Variants in NSUN2 observed in about 807,000 individuals in gnomAD.
NSUN2 encodes the protein NOP2/Sun RNA methyltransferase 2.
Under a neutral mutation model 92.7 loss-of-function variants are expected in NSUN2, and 63 were observed. The observed-to-expected ratio is 0.68, with a 90% CI of 0.56 to 0.84. NSUN2 has a LOEUF of 0.84. Ranked by LOEUF, NSUN2 falls within the 40% of genes least tolerant of loss-of-function variation. The probability of loss-of-function intolerance (pLI) is 0.00; values close to 1 mark genes in which losing one functional copy is unlikely to be tolerated. For synonymous variants in NSUN2, 356 were observed against 348.3 expected (o/e 1.02, Z -0.25); for missense variants, 989 against 964.9 (o/e 1.02, Z -0.33).
Position 6,619,961 on chromosome 5 carries a change from T to C in NSUN2, c.815+145A>G, listed in dbSNP as rs1737368374. On this transcript the variant is annotated intron_variant, in intron 7 of 18. Coordinates refer to ENST00000264670, the MANE Select transcript of NSUN2 (RefSeq NM_017755.6). ...TCATTAAGACGTATCTACGTGTCCA[T>C]CTTTTGGTTTAGGCTCACGCTATCT... The C allele has an allele frequency of 7.2e-6, 4 of 555,518 alleles. No homozygotes were observed. In the Admixed American group the frequency reaches 1.6e-4, roughly 22 times the overall value. 34.4% of individuals were successfully genotyped at this position (555,518 alleles called of 1,614,324 possible).
chr5:6,616,298 A>G lies in NSUN2; in HGVS notation c.1021+429T>C, dbSNP rs1032393693. ...TGGGTAAACAAAATGCGGTTTATAT[A>G]AACAACAGAATAGTGTTCAGCCTTA... is the stretch of plus-strand genomic sequence containing the variant. On this transcript the variant is annotated intron_variant, in intron 9 of 18. Transcript: ENST00000264670. 4.6e-5 allele frequency among the ~76,000 whole-genome samples: 7 copies of G among 152,342 alleles called. No homozygotes were observed. The East Asian group carries it at 1.3e-3, about 29-fold the overall frequency.
chr5:6,610,062 T>TG, intron 11 of NSUN2, 140 bp from the exon 12 acceptor site: 3 of 540,190 alleles, frequency 5.6e-6, no homozygotes, highest in Non-Finnish European at 9.3e-6. Context: ...TATGTAAACT[T>TG]AAATTTTTTT....
At chr5:6,600,349 C>A (rs1736500282) in intron 18 of NSUN2, 117 bp from the exon 19 acceptor site, 2 of 903,512 alleles carry the variant, frequency 2.2e-6, no homozygotes, top group South Asian at 3.6e-5. Context: ...CCCACAAAAC[C>A]CCCAAAACTA....
At position 6,610,949 on chromosome 5, in the gene NSUN2, G is replaced by A; in HGVS notation, c.1226+6C>T. 6.2e-7 allele frequency: 1 copy of A among 1,613,912 alleles called. No homozygotes were observed. The highest frequency in any genetic ancestry group is 8.5e-7 in the Non-Finnish European group (1 of 1,179,902). ...CTCCCCACACCTGGAGGCCCCACCA[G>A]CTCACCATCGCTCCAGGTGCATGGC... On this transcript the variant is annotated splice_donor_region_variant and intron_variant, in intron 11 of 18. Coordinates refer to ENST00000264670, the MANE Select transcript of NSUN2 (RefSeq NM_017755.6).
intron 3 of NSUN2, among the ~76,000 whole-genome samples, chr5:6,630,429 C>T (rs1737830236): frequency 6.6e-6 from 1 of 152,196 alleles, no homozygotes; most frequent in South Asian, 2.1e-4. Flanking sequence ...CCTCAGCCTC[C>T]CTAGTGTCTG....
At position 6,633,034 on chromosome 5, in the gene NSUN2, T is replaced by G; in HGVS notation, c.-55A>C. 1 of 1,391,878 alleles carries G rather than the reference T, an allele frequency of 7.2e-7. No homozygotes were observed. Among genetic ancestry groups the G allele is most frequent in the East Asian group, 2.9e-5 (1 of 33,924 alleles). 86.2% of individuals were successfully genotyped at this position (1,391,878 alleles called of 1,614,324 possible). A position where few individuals can be genotyped will look rare whatever the true frequency, so the allele number is the denominator to read the frequency against. On this transcript the variant is annotated 5_prime_UTR_variant, in exon 1 of 19. Coordinates refer to ENST00000264670, the MANE Select transcript of NSUN2 (RefSeq NM_017755.6). ...GAAACCGGCCCGCCACGGCCAGAACTCTAGCCCTACACCTCCCGGGACTTC... is the reference window on the plus strand; with the variant it reads ...GAAACCGGCCCGCCACGGCCAGAACGCTAGCCCTACACCTCCCGGGACTTC...
At chr5:6,608,123 G>A (rs940112462) in intron 12 of NSUN2, among the ~76,000 whole-genome samples, 1 of 152,216 alleles carries the variant, frequency 6.6e-6, no homozygotes, top group Non-Finnish European at 1.5e-5. Flanking sequence ...GAGCAGAGAA[G>A]CCGGGAGCAT....
intron 9 of NSUN2, among the ~76,000 whole-genome samples, chr5:6,614,115 A>C (rs1312318627): frequency 5.2e-4 from 28 of 53,766 alleles, no homozygotes; most frequent in Admixed American, 9.7e-4. Context: ...AAAAAAAAAA[A>C]AAAAAAACCC....
intron 3 of NSUN2, 70 bp downstream of exon 3, chr5:6,631,803 G>T: frequency 8.5e-7 from 1 of 1,182,098 alleles, no homozygotes; most frequent in Non-Finnish European, 1.2e-6. Flanking sequence ...GCAGTACCAA[G>T]AAATATAATT....
chr5:6,630,624 T>C (rs900996566), intron 3 of NSUN2, among the ~76,000 whole-genome samples: 1 of 152,220 alleles, frequency 6.6e-6, no homozygotes, highest in African/African-American at 2.4e-5. Context: ...TGTGAATGTA[T>C]ATGCTTATCT....
chr5:6,604,504 C>T (rs1736681222), intron 16 of NSUN2, 101 bp downstream of exon 16: 2 of 1,134,810 alleles, frequency 1.8e-6, no homozygotes, highest in Admixed American at 3.4e-5. Flanking sequence ...CCAGCCAAGC[C>T]CTGAGCCACT....
At chr5:6,605,873 T>C (rs1736749269) in intron 14 of NSUN2, among the ~76,000 whole-genome samples, 1 of 152,054 alleles carries the variant, frequency 6.6e-6, no homozygotes, top group African/African-American at 2.4e-5. Context: ...TTTTGTATTT[T>C]TAGTAAAGAC....
intron 3 of NSUN2, among the ~76,000 whole-genome samples, chr5:6,630,195 C>T (rs1220017657): frequency 1.3e-5 from 2 of 152,348 alleles, no homozygotes; most frequent in African/African-American, 4.8e-5. Context: ...ACCTTTTCCA[C>T]TGATCTCACT....
intron 15 of NSUN2, 96 bp downstream of exon 15, chr5:6,605,177 C>A: frequency 1.3e-6 from 2 of 1,510,652 alleles, no homozygotes; most frequent in Non-Finnish European, 1.8e-6. Context: ...GTGGGGAGGG[C>A]AGATGTCACG....
rs1335172774 is a variant in NSUN2, at chr5:6,620,090, C to T, written c.815+16G>A. 3.9e-6 allele frequency: 6 copies of T among 1,532,374 alleles called. No individual in the cohort carries two copies. In the Middle Eastern group the frequency reaches 5.3e-4, roughly 134 times the overall value. The allele number at this position is 1,532,374 out of a possible 1,614,324, so 94.9% of individuals were successfully genotyped here. A position where few individuals can be genotyped will look rare whatever the true frequency, so the allele number is the denominator to read the frequency against. ...TCTTTAGTGGATTTGGGCTTTTTGG[C>T]CAATAAGATAAATACCTGCAAGGGA... is the stretch of plus-strand genomic sequence containing the variant. On this transcript the variant is annotated intron_variant, in intron 7 of 18. Transcript: ENST00000264670.
In NSUN2 at chr5:6,606,900, T is replaced by C. The variant is rs373306356; in HGVS notation, c.1521A>G (p.Ser507=). The C allele has an allele frequency of 3.2e-6, 5 of 1,582,066 alleles. No individual in the cohort carries two copies. The African/African-American group carries it at 5.4e-5, about 17-fold the overall frequency. The stretch of plus-strand genomic sequence containing the variant: ...TAAATCCAAATAACTTCATTTTCTT[T>C]GATGGAGGAGGACTAAAAAGGGAAT... ...KKDGVCGPPP[S]KKMKLFGFKE... The change falls in exon 14 of 19, where the codon TCA becomes TCG. Residue 507 remains serine, a synonymous_variant. Coordinates refer to ENST00000264670, the MANE Select transcript of NSUN2 (RefSeq NM_017755.6).
rs771349258 is a variant in NSUN2, at chr5:6,620,136, T to G, written c.785A>C (p.Tyr262Ser). The change falls in exon 7 of 19, where the codon TAT (tyrosine) becomes TCT (serine). Residue 262 changes from tyrosine to serine, a missense_variant. Coordinates refer to ENST00000264670, the MANE Select transcript of NSUN2 (RefSeq NM_017755.6). Reference protein sequence around the residue: ...DVDGRKEILFYDRILCDVPCS... With the variant: ...DVDGRKEILFSDRILCDVPCS... ...AGGGACATCACATAAAATTCGATCA[T>G]AGAAGAGGATCTCTTTCCTGCCGTC... The G allele has an allele frequency of 8.7e-6, 14 of 1,605,786 alleles. No individual in the cohort carries two copies. Among genetic ancestry groups the G allele is most frequent in the Non-Finnish European group, 7.6e-6 (9 of 1,177,186 alleles).
Position 6,629,534 on chromosome 5 carries a change from G to A in NSUN2, c.359+2339C>T, listed in dbSNP as rs777710926. On this transcript the variant is annotated intron_variant, in intron 3 of 18. Transcript: ENST00000264670. Reference sequence around the variant, plus strand: ...AAAGCATTTCTTATCCCGTCTCTGCGCTTCTAAACACAAGGTTTTAGAAAC... The same window carrying A: ...AAAGCATTTCTTATCCCGTCTCTGCACTTCTAAACACAAGGTTTTAGAAAC... Among the ~76,000 whole-genome samples, 54 of 152,274 alleles carry A rather than the reference G, an allele frequency of 3.5e-4. 1 individual carries two copies. The highest frequency in any genetic ancestry group is 6.9e-4 in the Non-Finnish European group (47 of 68,036).
At chr5:6,629,447 AC>A (rs1403932520) in intron 3 of NSUN2, among the ~76,000 whole-genome samples, 3 of 152,132 alleles carry the variant, frequency 2.0e-5, no homozygotes, top group African/African-American at 7.2e-5. Context: ...CCTTAAGAGC[AC>A]ACCTCTTCCC....
Sources: gnomAD v4.1 joint callset for allele counts (sites outside exome capture counted in the v4.1 genomes callset) on GRCh38, gnomAD v4.1.1 for gene constraint, MANE v1.5 for transcripts, NCBI Gene and HGNC (gene_info 2026-07-23, HGNC 2026-07-21) for gene names.